Variants in PIGO observed in about 807,000 individuals in gnomAD.
The protein encoded by PIGO is GPI ethanolamine phosphate transferase 3, catalytic subunit.
PIGO carries 66 observed loss-of-function variants against 86.9 expected under a neutral mutation model. The ratio of observed to expected loss-of-function variants is 0.76; its 90% CI spans 0.62 to 0.93. The LOEUF is 0.93. PIGO is among the 40% of genes least tolerant of loss of function. The probability of loss-of-function intolerance (pLI) is 0.00; values close to 1 mark genes in which losing one functional copy is unlikely to be tolerated. For synonymous variants in PIGO, 570 were observed against 556.4 expected (o/e 1.02, Z -0.34); for missense variants, 1,202 against 1,359.1 (o/e 0.88, Z 1.82).
At chr9:35,090,858 T>C in intron 7 of PIGO, 186 bp from the exon 8 acceptor site, 2 of 644,396 alleles carry the variant, frequency 3.1e-6, no homozygotes, top group Non-Finnish European at 2.6e-6. Context: ...AAAAGCGCCA[T>C]CAGGCTTATC....
intron 4 of PIGO, 155 bp downstream of exon 4, chr9:35,093,746 G>A (rs1829543665): frequency 6.9e-7 from 1 of 1,446,104 alleles, no homozygotes; most frequent in South Asian, 1.4e-5. Flanking sequence ...GATGCCCAAA[G>A]CTACACATTG....
intron 4 of PIGO, 94 bp from the exon 5 acceptor site, chr9:35,093,674 C>A: frequency 6.9e-7 from 1 of 1,451,620 alleles, no homozygotes. Flanking sequence ...TCATCCCCAG[C>A]TATAACTCCA....
At position 35,091,223 on chromosome 9, in the gene PIGO, A is replaced by G; in HGVS notation, c.2647+17T>C. On this transcript the variant is annotated intron_variant, in intron 7 of 10. Coordinates refer to ENST00000378617, the MANE Select transcript of PIGO (RefSeq NM_032634.4). ...CATCACTATTGTCTTTAAGTGAATCAGAGCTGAGATATTTACCAGGGGTGG... is the reference window on the plus strand; with the variant it reads ...CATCACTATTGTCTTTAAGTGAATCGGAGCTGAGATATTTACCAGGGGTGG... The G allele has an allele frequency of 6.4e-7, 1 of 1,562,548 alleles. No homozygotes were observed. The highest frequency in any genetic ancestry group is 8.7e-7 in the Non-Finnish European group (1 of 1,154,754).
rs1214305974 is a variant in PIGO at position 35,095,375 on chromosome 9, G to A, written c.191C>T (p.Ala64Val). ...CAACACAACCCGCGAAAATCGGGAA[G>A]CCATCCAGCAGGCCCCAGGTTTCCC... ...SQGKPGACWM[A>V]SRFSRVVLVL... is the part of the protein sequence containing the mutation. The change falls in exon 2 of 11, where the codon GCT becomes GTT. Residue 64 changes from alanine to valine, a missense_variant. By Grantham distance (64) the Ala-to-Val change is moderately conservative. Coordinates refer to ENST00000378617, the MANE Select transcript of PIGO (RefSeq NM_032634.4). The A allele has an allele frequency of 6.2e-7, 1 of 1,614,168 alleles. No homozygotes were observed. Among genetic ancestry groups the A allele is most frequent in the Non-Finnish European group, 8.5e-7 (1 of 1,180,044 alleles).
Position 35,092,529 on chromosome 9 carries a change from C to T in PIGO, c.1358G>A (p.Gly453Glu), listed in dbSNP as rs1470138559. 1.9e-6 allele frequency: 3 copies of T among 1,614,186 alleles called. No individual in the cohort carries two copies. The highest frequency in any genetic ancestry group is 1.1e-5 in the South Asian group (1 of 91,090). The change falls in exon 7 of 11, where the codon GGG (glycine) becomes GAG (glutamate). Residue 453 changes from glycine to glutamate, a missense_variant. Transcript: ENST00000378617. ...GGAAGCAGCCAAGAGAGCAGTACCC[C>T]CCGCCATGCGGACCAGAGAGAAACG... ...WARFSLVRMA[G>E]GTALLAASCF...
intron 8 of PIGO, 89 bp downstream of exon 8, chr9:35,090,377 C>G (rs1045684398): frequency 1.3e-6 from 2 of 1,552,996 alleles, no homozygotes; most frequent in Non-Finnish European, 8.7e-7. Context: ...ATCCAACAAA[C>G]CCATATCTCT....
chr9:35,092,865 C>A, intron 6 of PIGO, 98 bp from the exon 7 acceptor site: 1 of 1,387,476 alleles, frequency 7.2e-7, no homozygotes, highest in Non-Finnish European at 9.7e-7. Context: ...ACCTGGAAGT[C>A]AAGGACCCAA....
Position 35,090,610 on chromosome 9 carries a change from A to G in PIGO, c.2710T>C (p.Tyr904His). 4 of 1,614,112 alleles carry G rather than the reference A, an allele frequency of 2.5e-6. No individual in the cohort carries two copies. The highest frequency in any genetic ancestry group is 3.4e-6 in the Non-Finnish European group (4 of 1,180,036). Residue 904 changes from tyrosine (Y) to histidine (H), a missense_variant, in exon 8 of 11, where the codon TAC (tyrosine) becomes CAC (histidine). By Grantham distance (83) the Tyr-to-His change is moderately conservative. Transcript: ENST00000378617. ...AWALMATQTFYSTGHQPVFPA... is the reference protein window; with the variant it reads ...AWALMATQTFHSTGHQPVFPA... ...AAGACAGGCTGGTGGCCTGTGGAGT[A>G]GAAGGTCTGTGTGGCCATGAGGGCC...
At chr9:35,094,996 T>G (rs577333619) in intron 2 of PIGO, 59 bp downstream of exon 2, 1 of 1,533,834 alleles carries the variant, frequency 6.5e-7, no homozygotes, top group Admixed American at 2.1e-5. Flanking sequence ...ACTCCCTGAC[T>G]TCAAATTTTG....
Position 35,089,857 on chromosome 9 carries a change from G to C in PIGO, c.3069+209C>G, listed in dbSNP as rs963996435. On this transcript the variant is annotated intron_variant, in intron 9 of 10. Transcript: ENST00000378617. Reference sequence around the variant, plus strand: ...ATGCAACTAGCGGGGTCCAGATCTAGGTTGTAGAGGGGAAATGATCCAGGA... The same window carrying C: ...ATGCAACTAGCGGGGTCCAGATCTACGTTGTAGAGGGGAAATGATCCAGGA... The C allele has an allele frequency of 3.5e-5, 49 of 1,419,050 alleles. No individual in the cohort carries two copies. In the African/African-American group the frequency reaches 6.3e-4, roughly 18 times the overall value. The allele number at this position is 1,419,050 out of a possible 1,614,324, so 87.9% of individuals were successfully genotyped here.
At chr9:35,094,841 T>G (rs1364081948) in intron 2 of PIGO, among the ~76,000 whole-genome samples, 1 of 152,102 alleles carries the variant, frequency 6.6e-6, no homozygotes, top group African/African-American at 2.4e-5. Context: ...TCTCCCAAAC[T>G]GAGCTCCCTA....
In PIGO at chr9:35,092,000, A is replaced by G; in HGVS notation, c.1887T>C (p.Leu629=). ...AYALRLGIGL[L]LCTRLAGLFH... ...AAAGCCCAGCTAGCCTTGTACATAA[A>G]AGCAACCCAATTCCAAGCCTCAGGG... Residue 629 remains leucine, a synonymous_variant, in exon 7 of 11, where the codon CTT becomes CTC. Coordinates refer to ENST00000378617, the MANE Select transcript of PIGO (RefSeq NM_032634.4). 5.0e-6 allele frequency: 8 copies of G among 1,614,212 alleles called. No homozygotes were observed. The highest frequency in any genetic ancestry group is 6.8e-6 in the Non-Finnish European group (8 of 1,180,030).
At position 35,089,059 on chromosome 9, in the gene PIGO, T is replaced by C. The variant is rs1829295481; in HGVS notation, c.*33A>G. 1 of 1,613,420 alleles carries C rather than the reference T, an allele frequency of 6.2e-7. No homozygotes were observed. The highest frequency in any genetic ancestry group is 1.1e-5 in the South Asian group (1 of 90,996). ...CAGGCTACACTGTTCTCAAGCACTC[T>C]CTGTAGCCAAGTGCCAGTAATCACA... On this transcript the variant is annotated 3_prime_UTR_variant, in exon 11 of 11. Transcript: ENST00000378617.
At position 35,094,201 on chromosome 9, in the gene PIGO, T is replaced by G. The variant is rs1339595122; in HGVS notation, c.655+15A>C. 1 of 1,586,084 alleles carries G rather than the reference T, an allele frequency of 6.3e-7. No homozygotes were observed. The highest frequency in any genetic ancestry group is 1.2e-5 in the South Asian group (1 of 86,942). ...CTCCCAGTCTTAGAACTAAGTGCTCTGGCCCCATGCTCACTGGTGGGGTAG... is the reference window on the plus strand; with the variant it reads ...CTCCCAGTCTTAGAACTAAGTGCTCGGGCCCCATGCTCACTGGTGGGGTAG... On this transcript the variant is annotated intron_variant, in intron 3 of 10. Transcript: ENST00000378617.
At chr9:35,094,435 A>G in intron 2 of PIGO, 76 bp from the exon 3 acceptor site, 15 of 1,528,456 alleles carry the variant, frequency 9.8e-6, no homozygotes, top group Middle Eastern at 1.7e-4. Flanking sequence ...GAGGCCCTTT[A>G]AAGACCCATC....
chr9:35,091,834 G>T lies in PIGO; in HGVS notation c.2053C>A (p.Arg685Ser), dbSNP rs138547909. The T allele has an allele frequency of 6.2e-7, 1 of 1,613,832 alleles. No individual in the cohort carries two copies. Among genetic ancestry groups the T allele is most frequent in the African/African-American group, 1.3e-5 (1 of 74,926 alleles). ...AALVALLAAV[R>S]LWLRRYGNLK... ...TTACCATAGCGGCGAAGCCACAAGC[G>T]CACGGCAGCTAACAGGGCCACCAGC... Residue 685 changes from arginine (R) to serine (S), a missense_variant, in exon 7 of 11, where the codon CGC becomes AGC. Physicochemically the swap from Arg to Ser is moderately radical, Grantham distance 110 (BLOSUM62 -1). Coordinates refer to ENST00000378617, the MANE Select transcript of PIGO (RefSeq NM_032634.4).
chr9:35,090,866 A>C, intron 7 of PIGO, 194 bp from the exon 8 acceptor site: 1 of 622,668 alleles, frequency 1.6e-6, no homozygotes, highest in Admixed American at 3.2e-5. Flanking sequence ...CATCAGGCTT[A>C]TCTGAATCCT....
rs561715009 is a variant in PIGO at position 35,095,166 on chromosome 9, G to C, written c.400C>G (p.Arg134Gly). Residue 134 changes from arginine (R) to glycine (G), a missense_variant, in exon 2 of 11, where the codon CGC becomes GGC. By Grantham distance (125) the Arg-to-Gly change is moderately radical. Coordinates refer to ENST00000378617, the MANE Select transcript of PIGO (RefSeq NM_032634.4). ...GAGCCAGTGGTGAGGGCCTTGAGGC[G>C]CTGCATGGTGGTGGTAGGAGGGTCA... ...QVDPPTTTMQ[R>G]LKALTTGSLP... 2 of 1,614,214 alleles carry C rather than the reference G, an allele frequency of 1.2e-6. No homozygotes were observed. Among genetic ancestry groups the C allele is most frequent in the Non-Finnish European group, 1.7e-6 (2 of 1,180,034 alleles).
At position 35,089,101 on chromosome 9, in the gene PIGO, C is replaced by T. The variant is rs775472036; in HGVS notation, c.3261G>A (p.Gln1087=). ...GTAATCACAGACTAGGCTACCTCTGCTGGGCCAGAAATAGCTGCCTGAACC... is the reference window on the plus strand; with the variant it reads ...GTAATCACAGACTAGGCTACCTCTGTTGGGCCAGAAATAGCTGCCTGAACC... ...SSWFRQLFLA[Q]QR is the part of the protein sequence containing the mutation. Residue 1087 remains glutamine, a synonymous_variant, in exon 11 of 11, where the codon CAG becomes CAA. Coordinates refer to ENST00000378617, the MANE Select transcript of PIGO (RefSeq NM_032634.4). 4 of 1,614,156 alleles carry T rather than the reference C, an allele frequency of 2.5e-6. No individual in the cohort carries two copies. The highest frequency in any genetic ancestry group is 1.7e-5 in the Admixed American group (1 of 60,024).
Sources: allele counts gnomAD v4.1 joint callset (sites outside exome capture counted in the v4.1 genomes callset), GRCh38; gene constraint gnomAD v4.1.1; transcripts MANE v1.5; gene names NCBI Gene and HGNC (gene_info 2026-07-23, HGNC 2026-07-21).